Variants in RIMS2 observed in about 807,000 individuals in gnomAD.
The protein encoded by RIMS2 is regulating synaptic membrane exocytosis 2, also known as regulating synaptic membrane exocytosis protein 2.
A neutral mutation model predicts 174.4 loss-of-function variants in RIMS2; 59 were observed. The observed-to-expected ratio is 0.34, with a 90% CI of 0.27 to 0.42. The LOEUF is 0.42. Ranked by LOEUF, RIMS2 falls within the 10% of genes least tolerant of loss-of-function variation. The probability of loss-of-function intolerance (pLI) is 1.00; values close to 1 mark genes in which losing one functional copy is unlikely to be tolerated. For synonymous variants in RIMS2, 606 were observed against 572.5 expected, an observed-to-expected ratio of 1.06 and a Z score of -0.84; for missense variants, 1,620 against 1,666.3, an observed-to-expected ratio of 0.97 and a Z score of 0.48.
At chr8:103,560,522 A>C (rs967339457) in intron 1 of RIMS2, among the ~76,000 whole-genome samples, 3 of 152,340 alleles carry the variant, frequency 2.0e-5, no homozygotes, top group East Asian at 3.9e-4. Flanking sequence ...CATTTAAGTA[A>C]ATTCTTGAAT....
intron 1 of RIMS2, among the ~76,000 whole-genome samples, chr8:103,526,086 A>G (rs1833859704): frequency 6.6e-6 from 1 of 152,168 alleles, no homozygotes; most frequent in Non-Finnish European, 1.5e-5. Flanking sequence ...AGAGCTTTTG[A>G]CACACTCATG....
intron 19 of RIMS2, among the ~76,000 whole-genome samples, chr8:104,244,436 A>T (rs1039629607): frequency 6.6e-6 from 1 of 152,286 alleles, no homozygotes; most frequent in African/African-American, 2.4e-5. Context: ...TTAAGACTGG[A>T]ATTTGAGGAT....
At position 103,550,234 on chromosome 8, in the gene RIMS2, A is replaced by G. The variant is rs148415167; in HGVS notation, c.176+49172A>G. On this transcript the variant is annotated intron_variant, in intron 1 of 23. Transcript: ENST00000504942. The stretch of plus-strand genomic sequence containing the variant: ...AAGCACTCCTCAGCAAATGTAAAAG[A>G]ACAGAAATTAGAACAAAGTGTCTCT... Among the ~76,000 whole-genome samples, 641 of 152,308 alleles carry G rather than the reference A, an allele frequency of 4.2e-3. 4 individuals carry two copies. Among genetic ancestry groups the G allele is most frequent in the African/African-American group, 0.015 (611 of 41,568 alleles).
intron 19 of RIMS2, among the ~76,000 whole-genome samples, chr8:104,139,141 C>T (rs1005301908): frequency 2.0e-5 from 3 of 151,928 alleles, no homozygotes; most frequent in Non-Finnish European, 4.4e-5. Context: ...GTTTTTATTC[C>T]AGGATCATGC....
At chr8:103,548,126 A>T (rs893862837) in intron 1 of RIMS2, among the ~76,000 whole-genome samples, 1 of 152,178 alleles carries the variant, frequency 6.6e-6, no homozygotes, top group Admixed American at 6.5e-5. Flanking sequence ...ATTCCAAAAC[A>T]ACTGAGGAGA....
At chr8:104,110,874 C>G (rs1248125189) in intron 19 of RIMS2, among the ~76,000 whole-genome samples, 1 of 152,132 alleles carries the variant, frequency 6.6e-6, no homozygotes, top group Non-Finnish European at 1.5e-5. Flanking sequence ...CAGCATTTTC[C>G]AAACTTTGTT....
chr8:103,768,777 T>A (rs186641412), intron 3 of RIMS2: 1 of 732,012 alleles, frequency 1.4e-6, no homozygotes, highest in African/African-American at 1.8e-5. Flanking sequence ...ACAAAGAAGG[T>A]AAGAAACCTA....
chr8:104,132,577 G>A (rs1031684073), intron 19 of RIMS2, among the ~76,000 whole-genome samples: 2 of 152,078 alleles, frequency 1.3e-5, no homozygotes, highest in Non-Finnish European at 1.5e-5. Context: ...TGTTGACCGG[G>A]TATACAGAGA....
intron 19 of RIMS2, among the ~76,000 whole-genome samples, chr8:104,194,276 C>T (rs2099012607): frequency 6.6e-6 from 1 of 151,996 alleles, no homozygotes; most frequent in South Asian, 2.1e-4. Flanking sequence ...AAGCTTTCTG[C>T]AAATAGTTTA....
intron 19 of RIMS2, among the ~76,000 whole-genome samples, chr8:104,024,533 A>G (rs962577979): frequency 5.3e-5 from 8 of 150,886 alleles, no homozygotes; most frequent in Non-Finnish European, 8.9e-5. Context: ...ATGGACTTCA[A>G]CCGGTTTCGT....
intron 1 of RIMS2, among the ~76,000 whole-genome samples, chr8:103,607,254 C>T (rs946520681): frequency 1.3e-5 from 2 of 152,018 alleles, no homozygotes; most frequent in African/African-American, 4.8e-5. Flanking sequence ...TTCTCCTTCA[C>T]TTATGAAGCT....
chr8:103,521,973 A>G (rs1406472916), intron 1 of RIMS2, among the ~76,000 whole-genome samples: 2 of 151,866 alleles, frequency 1.3e-5, no homozygotes, highest in Non-Finnish European at 2.9e-5. Context: ...TAGTTTTGTA[A>G]TATCAGGCTA....
intron 19 of RIMS2, among the ~76,000 whole-genome samples, chr8:104,184,382 T>G (rs1256188780): frequency 1.3e-5 from 2 of 151,596 alleles, no homozygotes; most frequent in Non-Finnish European, 3.0e-5. Context: ...CTCAAATTCA[T>G]GTGTAAACAT....
intron 1 of RIMS2, among the ~76,000 whole-genome samples, chr8:103,588,786 G>GA (rs1214777200): frequency 1.3e-5 from 2 of 151,806 alleles, no homozygotes; most frequent in African/African-American, 4.8e-5. Flanking sequence ...TGAAATTTAG[G>GA]ACTTCAAACT....
intron 3 of RIMS2, among the ~76,000 whole-genome samples, chr8:103,817,996 G>A (rs1008988371): frequency 3.3e-5 from 5 of 151,700 alleles, no homozygotes; most frequent in Admixed American, 6.6e-5. Context: ...ATAAATAATA[G>A]TGAAATAATA....
At chr8:103,984,134 A>G (rs548227071) in intron 16 of RIMS2, among the ~76,000 whole-genome samples, 9 of 152,246 alleles carry the variant, frequency 5.9e-5, no homozygotes, top group Admixed American at 4.6e-4. Flanking sequence ...AGATCGCGCC[A>G]CTGCACTCCA....
chr8:103,795,755 C>T (rs1470147138), intron 3 of RIMS2, among the ~76,000 whole-genome samples: 4 of 152,110 alleles, frequency 2.6e-5, no homozygotes, highest in Non-Finnish European at 5.9e-5. Flanking sequence ...TTGTAGAAAA[C>T]AAGCCTTCAC....
intron 1 of RIMS2, among the ~76,000 whole-genome samples, chr8:103,670,027 A>G (rs2096725569): frequency 6.6e-6 from 1 of 152,206 alleles, no homozygotes; most frequent in Non-Finnish European, 1.5e-5. Context: ...CCCTGCAGCA[A>G]ACTTCTGCCT....
chr8:103,931,435 A>T, intron 12 of RIMS2, 42 bp downstream of exon 14: 2 of 1,421,806 alleles, frequency 1.4e-6, no homozygotes, highest in Non-Finnish European at 1.9e-6. Flanking sequence ...AAAATAAATG[A>T]GAAAATGTTC....
Sources: allele counts gnomAD v4.1 joint callset (sites outside exome capture counted in the v4.1 genomes callset), GRCh38; gene constraint gnomAD v4.1.1; transcripts MANE v1.5; gene names NCBI Gene and HGNC (gene_info 2026-07-23, HGNC 2026-07-21).